The following RIPK1 variants were observed in gnomAD, a reference collection of about 807,000 sequenced individuals.
The protein encoded by RIPK1 is receptor-interacting serine/threonine-protein kinase 1.
In RIPK1, 27 loss-of-function variants were observed where a neutral mutation model predicts 62.4. That is an observed-to-expected ratio of 0.43 (90% CI 0.32 to 0.60). The LOEUF (loss-of-function observed/expected upper bound fraction) is 0.60. RIPK1 is among the 20% of genes least tolerant of loss of function. The pLI, the probability that RIPK1 is intolerant of heterozygous loss-of-function variation, is 0.07. For synonymous variants in RIPK1, 287 were observed against 303.2 expected (o/e 0.95, Z 0.55); for missense variants, 735 against 831.0 (o/e 0.88, Z 1.42).
chr6:3,081,331 G>C (rs1759369553), intron 4 of RIPK1, among the ~76,000 whole-genome samples: 2 of 152,196 alleles, frequency 1.3e-5, no homozygotes, highest in African/African-American at 4.8e-5. Context: ...CATATCTTTT[G>C]GGGGAGGAGT....
chr6:3,072,968 T>C lies in RIPK1; in HGVS notation c.-60-3796T>C, dbSNP rs952401227. On this transcript the variant is annotated intron_variant, in intron 1 of 10. Transcript: ENST00000259808. This position sits in a 1 kb window ranked among gnomAD's most constrained non-coding sequence, Gnocchi z 5.6. ...GGTCAGTAGGGCCCTGCTGACAGAGTGATCCCAGCTGAGAATGTTGGCATT... is the reference window on the plus strand; with the variant it reads ...GGTCAGTAGGGCCCTGCTGACAGAGCGATCCCAGCTGAGAATGTTGGCATT... Among the ~76,000 whole-genome samples the C allele has an allele frequency of 2.6e-5, 4 of 151,988 alleles. No homozygotes were observed. In the South Asian group the frequency reaches 8.3e-4, roughly 32 times the overall value.
At chr6:3,070,021 T>C (rs922634030) in intron 1 of RIPK1, among the ~76,000 whole-genome samples, 1 of 151,562 alleles carries the variant, frequency 6.6e-6, no homozygotes, top group Non-Finnish European at 1.5e-5. Context: ...AAAAAAAAAA[T>C]AAATAAAGAA....
chr6:3,089,506 G>A (rs976170281), intron 6 of RIPK1, 75 bp from the exon 7 acceptor site: 3 of 777,936 alleles, frequency 3.9e-6, no homozygotes, highest in Non-Finnish European at 6.5e-6. Context: ...GTAATTCAAA[G>A]ATAATAGATG....
intron 7 of RIPK1, among the ~76,000 whole-genome samples, chr6:3,103,741 C>T (rs568588007): frequency 1.3e-5 from 2 of 152,158 alleles, no homozygotes; most frequent in Non-Finnish European, 2.9e-5. Context: ...CCTGTGTTTT[C>T]TTCTAAGAAT....
intron 1 of RIPK1, among the ~76,000 whole-genome samples, chr6:3,073,792 C>T (rs1758899515): frequency 6.6e-6 from 1 of 152,244 alleles, no homozygotes; most frequent in African/African-American, 2.4e-5. Flanking sequence ...CCAGAGTCCC[C>T]TCTCCCCAAG....
At chr6:3,064,536 A>G (rs896607158), upstream of RIPK1, among the ~76,000 whole-genome samples, 4 of 152,286 alleles carry the variant, frequency 2.6e-5, no homozygotes, top group South Asian at 2.1e-4. Context: ...GCACTCCTCC[A>G]GGGACTGAGA....
intron 6 of RIPK1, chr6:3,088,753 G>A (rs17513153): frequency 0.02 from 3,064 of 152,426 alleles, 52 homozygotes; most frequent in Middle Eastern, 0.034. Context: ...ACCTGACCCT[G>A]CCTAACTTCC....
intron 5 of RIPK1, 46 bp from the exon 6 acceptor site, chr6:3,085,213 T>C (rs1282297158): frequency 2.5e-6 from 4 of 1,610,338 alleles, no homozygotes; most frequent in Non-Finnish European, 3.4e-6. Flanking sequence ...GTCACCTTCC[T>C]GCCTGAGAGA....
chr6:3,083,386 C>A, intron 5 of RIPK1, 73 bp downstream of exon 5: 2 of 1,309,996 alleles, frequency 1.5e-6, no homozygotes, highest in Non-Finnish European at 2.1e-6. Flanking sequence ...TAATAGGTGC[C>A]CAGTAAATTT....
At position 3,098,233 on chromosome 6, in the gene RIPK1, A is replaced by G. The variant is rs112986554; in HGVS notation, c.916-5992A>G. Among the ~76,000 whole-genome samples, 799 of 152,374 alleles carry G rather than the reference A, an allele frequency of 5.2e-3. 7 individuals are homozygous for G. The highest frequency in any genetic ancestry group is 0.019 in the African/African-American group (783 of 41,584). ...AGAATGGGAGAAGTGCAACACACAC[A>G]TAACTGACAAAGGACTTGAATACAT... On this transcript the variant is annotated intron_variant, in intron 7 of 10. Coordinates refer to ENST00000259808, the MANE Select transcript of RIPK1 (RefSeq NM_001354930.2).
intron 9 of RIPK1, among the ~76,000 whole-genome samples, chr6:3,109,146 T>G (rs1424028802): frequency 6.6e-6 from 1 of 151,976 alleles, no homozygotes; most frequent in Non-Finnish European, 1.5e-5. Context: ...AACAAGTGGG[T>G]GTGGTCGCTG....
At chr6:3,067,371 A>G (rs1395086149), upstream of RIPK1, among the ~76,000 whole-genome samples, 1 of 152,112 alleles carries the variant, frequency 6.6e-6, no homozygotes, top group African/African-American at 2.4e-5. Flanking sequence ...AATGTATGGG[A>G]GTTCCTTGTG....
At chr6:3,090,482 T>A (rs1759988229) in intron 7 of RIPK1, among the ~76,000 whole-genome samples, 1 of 152,146 alleles carries the variant, frequency 6.6e-6, no homozygotes, top group African/African-American at 2.4e-5. Flanking sequence ...TCAGGAATAT[T>A]TCATAATGAT....
Position 3,077,874 on chromosome 6 carries a change from A to C in RIPK1, c.260A>C (p.Lys87Thr), listed in dbSNP as rs1178011596. Residue 87 changes from lysine (K) to threonine (T), a missense_variant, in exon 3 of 11, where the codon AAG becomes ACG. Physicochemically the swap from Lys to Thr is moderately conservative, Grantham distance 78. Coordinates refer to ENST00000259808, the MANE Select transcript of RIPK1 (RefSeq NM_001354930.2). ...CTGGGCGTCATCATAGAGGAAGGGA[A>C]GTACTCCCTGGTGATGGAGTACATG... ...KLLGVIIEEG[K>T]YSLVMEYMEK... The C allele has an allele frequency of 6.2e-7, 1 of 1,614,072 alleles. No individual in the cohort carries two copies. Among genetic ancestry groups the C allele is most frequent in the Non-Finnish European group, 8.5e-7 (1 of 1,180,000 alleles).
At chr6:3,096,341 G>A (rs1234140819) in intron 7 of RIPK1, among the ~76,000 whole-genome samples, 1 of 151,968 alleles carries the variant, frequency 6.6e-6, no homozygotes, top group Non-Finnish European at 1.5e-5. Context: ...ATTAATAATA[G>A]TTTAGTTATA....
In RIPK1 at chr6:3,110,860, A is replaced by G. The variant is rs756008869; in HGVS notation, c.1634A>G (p.Asn545Ser). 3.1e-6 allele frequency: 5 copies of G among 1,602,956 alleles called. No individual in the cohort carries two copies. In the South Asian group the frequency reaches 4.4e-5, roughly 14 times the overall value. Reference protein sequence around the residue: ...NSTGIQIGAYNYMEIGGTSSS... With the variant: ...NSTGIQIGAYSYMEIGGTSSS... ...ACTGGCATTCAGATTGGAGCCTACAATTATATGGAGATTGGTGGGACGAGT... is the reference window on the plus strand; with the variant it reads ...ACTGGCATTCAGATTGGAGCCTACAGTTATATGGAGATTGGTGGGACGAGT... The change falls in exon 10 of 11, where the codon AAT (asparagine) becomes AGT (serine). Residue 545 changes from asparagine (N) to serine (S), a missense_variant. Around this residue, in one of 2 missense-constraint regions of RIPK1, gnomAD observed 671 missense variants for 726.2 expected, o/e 0.92. Transcript: ENST00000259808.
At chr6:3,078,021 C>A in intron 3 of RIPK1, 86 bp downstream of exon 3, 5 of 1,413,326 alleles carry the variant, frequency 3.5e-6, no homozygotes, top group Non-Finnish European at 4.8e-6. Context: ...TTGTTTGCAG[C>A]TCGTTAGCAT....
chr6:3,104,618 G>A (rs1561772738), intron 8 of RIPK1, among the ~76,000 whole-genome samples: 1 of 152,104 alleles, frequency 6.6e-6, no homozygotes. Flanking sequence ...TGAGGAGCTC[G>A]GAGTGACTTA....
Position 3,104,269 on chromosome 6 carries a change from T to C in RIPK1, c.960T>C (p.Ser320=), listed in dbSNP as rs1183678579. The C allele has an allele frequency of 6.2e-7, 1 of 1,605,748 alleles. No homozygotes were observed. Among genetic ancestry groups the C allele is most frequent in the Non-Finnish European group, 8.5e-7 (1 of 1,173,012 alleles). The change falls in exon 8 of 11, where the codon TCT becomes TCC. Residue 320 remains serine, a synonymous_variant. Coordinates refer to ENST00000259808, the MANE Select transcript of RIPK1 (RefSeq NM_001354930.2). ...ATGCAGTTGTGAAGAGAATGCAGTCTCTTCAACTTGATTGTGTGGCAGTAC... is the reference window on the plus strand; with the variant it reads ...ATGCAGTTGTGAAGAGAATGCAGTCCCTTCAACTTGATTGTGTGGCAGTAC... ...NENAVVKRMQ[S]LQLDCVAVPS...
Sources: gnomAD v4.1 joint callset for allele counts (sites outside exome capture counted in the v4.1 genomes callset) on GRCh38, gnomAD v4.1.1 for gene constraint, gnomAD v4.1.1 regional missense constraint, Gnocchi (gnomAD v3.1) non-coding constraint, MANE v1.5 for transcripts, NCBI Gene and HGNC (gene_info 2026-07-23, HGNC 2026-07-21) for gene names.